FIGN: variants seen among roughly 807,000 people sequenced by gnomAD.
The protein encoded by FIGN is fidgetin.
Under a neutral mutation model 51.3 loss-of-function variants are expected in FIGN, and 11 were observed. The observed-to-expected ratio is 0.21, with a 90% CI of 0.13 to 0.35. The LOEUF is 0.35. Ranked by LOEUF, FIGN falls within the 10% of genes least tolerant of loss-of-function variation. The pLI, the probability that FIGN is intolerant of heterozygous loss-of-function variation, is 1.00. For missense variants in FIGN, 857 were observed against 943.6 expected, an observed-to-expected ratio of 0.91 and a Z score of 1.20; for synonymous variants, 407 against 363.2, an observed-to-expected ratio of 1.12 and a Z score of -1.37.
At chr2:163,657,801 A>G (rs906031210) in intron 2 of FIGN, among the ~76,000 whole-genome samples, 2 of 152,058 alleles carry the variant, frequency 1.3e-5, no homozygotes, top group African/African-American at 2.4e-5. Flanking sequence ...AATAGATGGT[A>G]TAGTGCACAA....
At chr2:163,711,880 C>T (rs1684593790) in intron 2 of FIGN, among the ~76,000 whole-genome samples, 1 of 152,064 alleles carries the variant, frequency 6.6e-6, no homozygotes, top group Admixed American at 6.6e-5. Context: ...GCTAACGCTC[C>T]TGGTTATTCT....
chr2:163,713,421 T>TAC (rs1314737823), intron 2 of FIGN, among the ~76,000 whole-genome samples: 3 of 151,474 alleles, frequency 2.0e-5, no homozygotes, highest in Admixed American at 6.6e-5. Context: ...ATATGAGACA[T>TAC]ACACACACAG....
At chr2:163,642,022 T>C (rs1479847865) in intron 2 of FIGN, among the ~76,000 whole-genome samples, 1 of 152,226 alleles carries the variant, frequency 6.6e-6, no homozygotes, top group Admixed American at 6.5e-5. Flanking sequence ...TCTTATAGCA[T>C]GATCATACAC....
intron 2 of FIGN, among the ~76,000 whole-genome samples, chr2:163,725,011 C>T (rs1244192888): frequency 2.0e-5 from 3 of 152,018 alleles, no homozygotes. Flanking sequence ...CACATGAAAA[C>T]AGTCTTTAAT....
chr2:163,704,541 A>T (rs1684463262), intron 2 of FIGN, among the ~76,000 whole-genome samples: 1 of 151,702 alleles, frequency 6.6e-6, no homozygotes, highest in Admixed American at 6.6e-5. Flanking sequence ...AATGGCTATG[A>T]GGTATTGGAC....
At chr2:163,617,342 T>G in intron 2 of FIGN, 1 of 514,822 alleles carries the variant, frequency 1.9e-6, no homozygotes, top group South Asian at 8.3e-5. Context: ...CAATAAAAGA[T>G]GAACTATGTA....
At chr2:163,628,263 G>C (rs1276172919) in intron 2 of FIGN, among the ~76,000 whole-genome samples, 2 of 152,146 alleles carry the variant, frequency 1.3e-5, no homozygotes, top group Non-Finnish European at 2.9e-5. Context: ...ATACAGAGGA[G>C]CTAATAGTTG....
chr2:163,625,868 T>C (rs1045285914), intron 2 of FIGN, among the ~76,000 whole-genome samples: 5 of 151,998 alleles, frequency 3.3e-5, no homozygotes, highest in African/African-American at 1.2e-4. Context: ...AGTTTTGAAA[T>C]GAGACTCTGG....
chr2:163,663,210 C>A (rs111918940), intron 2 of FIGN, among the ~76,000 whole-genome samples: 1 of 151,564 alleles, frequency 6.6e-6, no homozygotes, highest in Non-Finnish European at 1.5e-5. Flanking sequence ...CGTGATCGAC[C>A]GCACCTGGCC....
rs1281015043 is a variant in FIGN, at chr2:163,610,822, C to G, written c.1010G>C (p.Ser337Thr). ...CTGTGTAGATCTCTGTTGGCCATAG[C>G]TGTAATTTCCATAACTGGAGTCCAT... ...GDMDSSYGNY[S>T]YGQQRSTQSP... Residue 337 changes from serine (S) to threonine (T), a missense_variant, in exon 3 of 3, where the codon AGC becomes ACC. Around this residue, in one of 3 missense-constraint regions of FIGN, gnomAD observed 799 missense variants for 849.5 expected, o/e 0.94. Transcript: ENST00000333129. 2 of 1,544,116 alleles carry G rather than the reference C, an allele frequency of 1.3e-6. No individual in the cohort carries two copies. Among genetic ancestry groups the G allele is most frequent in the Admixed American group, 1.9e-5 (1 of 53,002 alleles).
At chr2:163,621,244 C>T (rs1222978236) in intron 2 of FIGN, among the ~76,000 whole-genome samples, 4 of 152,088 alleles carry the variant, frequency 2.6e-5, no homozygotes, top group African/African-American at 7.2e-5. Context: ...GTATGCAAAG[C>T]CCAGACAAAA....
chr2:163,704,859 G>C, intron 2 of FIGN, among the ~76,000 whole-genome samples: 1 of 151,904 alleles, frequency 6.6e-6, no homozygotes, highest in Non-Finnish European at 1.5e-5. Context: ...AAATCTCCTG[G>C]AAAAATATTA....
intron 2 of FIGN, among the ~76,000 whole-genome samples, chr2:163,726,920 T>C (rs989716217): frequency 1.3e-5 from 2 of 152,076 alleles, no homozygotes; most frequent in Non-Finnish European, 2.9e-5. Flanking sequence ...TAGTATTTGT[T>C]TGATCTGAAA....
chr2:163,634,086 ATGCGTG>A (rs1683189260), intron 2 of FIGN, among the ~76,000 whole-genome samples: 1 of 101,568 alleles, frequency 9.8e-6, no homozygotes, highest in African/African-American at 3.3e-5. Context: ...GTACGTATGT[ATGCGTG>A]TGTGTGTGTG....
intron 2 of FIGN, among the ~76,000 whole-genome samples, chr2:163,658,734 C>T (rs1157507095): frequency 6.6e-6 from 1 of 152,178 alleles, no homozygotes; most frequent in African/African-American, 2.4e-5. Context: ...AGGGATCTGC[C>T]TGCACAATCC....
At chr2:163,717,412 C>T (rs1684685520) in intron 2 of FIGN, among the ~76,000 whole-genome samples, 1 of 152,044 alleles carries the variant, frequency 6.6e-6, no homozygotes, top group Admixed American at 6.6e-5. Context: ...AAAGCGTTTT[C>T]TACTACTCTT....
intron 2 of FIGN, among the ~76,000 whole-genome samples, chr2:163,674,406 A>G (rs1403457826): frequency 6.6e-6 from 1 of 152,224 alleles, no homozygotes; most frequent in East Asian, 1.9e-4. Flanking sequence ...TAGAAATGCT[A>G]TTGCTGGGAT....
chr2:163,709,255 C>A (rs1393520381), intron 2 of FIGN, among the ~76,000 whole-genome samples: 1 of 152,132 alleles, frequency 6.6e-6, no homozygotes, highest in Non-Finnish European at 1.5e-5. Context: ...GAGGTGGAAG[C>A]CTTTCTAAAA....
chr2:163,689,839 C>T (rs977346229), intron 2 of FIGN, among the ~76,000 whole-genome samples: 1 of 151,994 alleles, frequency 6.6e-6, no homozygotes, highest in African/African-American at 2.4e-5. Context: ...TGTCGCAAAC[C>T]CACATAATAG....
Sources: gnomAD v4.1 joint callset for allele counts (sites outside exome capture counted in the v4.1 genomes callset) on GRCh38, gnomAD v4.1.1 for gene constraint, gnomAD v4.1.1 regional missense constraint, MANE v1.5 for transcripts, NCBI Gene and HGNC (gene_info 2026-07-23, HGNC 2026-07-21) for gene names.